The following ATP2B1 variants were observed in gnomAD, a reference collection of about 807,000 sequenced individuals.
ATP2B1 encodes the protein ATPase plasma membrane Ca2+ transporting 1, also known as plasma membrane calcium-transporting ATPase 1.
In ATP2B1, 14 loss-of-function variants were observed where a neutral mutation model predicts 124.2. The observed-to-expected ratio is 0.11, with a 90% CI of 0.07 to 0.18. The LOEUF is 0.18. ATP2B1 is among the 10% of genes least tolerant of loss of function. ATP2B1 has a pLI of 1.00. For missense variants in ATP2B1, 763 were observed against 1,466.1 expected, an observed-to-expected ratio of 0.52 and a Z score of 7.83; for synonymous variants, 449 against 492.4, an observed-to-expected ratio of 0.91 and a Z score of 1.17.
intron 1 of ATP2B1, among the ~76,000 whole-genome samples, chr12:89,668,526 T>A (rs1887567930): frequency 6.6e-6 from 1 of 152,170 alleles, no homozygotes; most frequent in Non-Finnish European, 1.5e-5. Context: ...GCAATTGAAA[T>A]TATTTTATAA....
intron 2 of ATP2B1, among the ~76,000 whole-genome samples, chr12:89,653,709 A>G (rs1375298262): frequency 6.6e-6 from 1 of 152,226 alleles, no homozygotes; most frequent in Non-Finnish European, 1.5e-5. Flanking sequence ...AAACCACTGT[A>G]CTAGAGGTAA....
intron 3 of ATP2B1, among the ~76,000 whole-genome samples, chr12:89,636,446 G>C (rs950037644): frequency 5.3e-5 from 8 of 152,242 alleles, no homozygotes; most frequent in African/African-American, 1.9e-4. Flanking sequence ...TTATAAATTC[G>C]CATGAAGGAA....
chr12:89,604,359 A>T lies in ATP2B1; in HGVS notation c.2443-13T>A, dbSNP rs576575336. The T allele has an allele frequency of 1.1e-4, 169 of 1,573,764 alleles. 1 individual carries two copies. The highest frequency in any genetic ancestry group is 4.9e-4 in the South Asian group (41 of 84,466). ...TTCCAGCAATACCCTGTTAAAAAAA[A>T]TTTTGTGAATTAGACTAAATGTTTT... On this transcript the variant is annotated splice_polypyrimidine_tract_variant and intron_variant, in intron 15 of 20. Coordinates refer to ENST00000428670, the MANE Select transcript of ATP2B1 (RefSeq NM_001366521.1).
intron 6 of ATP2B1, among the ~76,000 whole-genome samples, chr12:89,629,309 T>C (rs1028106330): frequency 2.0e-5 from 3 of 152,206 alleles, no homozygotes; most frequent in South Asian, 2.1e-4. Context: ...TACTTATCAG[T>C]AAAAAAATAA....
At chr12:89,633,710 A>T (rs1882259398) in intron 5 of ATP2B1, among the ~76,000 whole-genome samples, 1 of 152,128 alleles carries the variant, frequency 6.6e-6, no homozygotes, top group Non-Finnish European at 1.5e-5. Context: ...TTCTAACTTA[A>T]CTGACCCTTG....
In ATP2B1 at chr12:89,603,353, GA is replaced by G; in HGVS notation, c.2849-100del. ...CTTAGCTAGACCTTTTATTTGATCT[GA>G]AATGGCAGCATGGAAGGAGCTAGAG... On this transcript the variant is annotated intron_variant, in intron 17 of 20. Transcript: ENST00000428670. This position sits in a 1 kb window ranked among gnomAD's most constrained non-coding sequence, Gnocchi z 4.3. 1.0e-6 allele frequency: 1 copy of G among 999,712 alleles called. No homozygotes were observed. 61.9% of individuals were successfully genotyped at this position (999,712 alleles called of 1,614,324 possible). A position where few individuals can be genotyped will look rare whatever the true frequency, so the allele number is the denominator to read the frequency against.
In ATP2B1 at chr12:89,642,338, C is replaced by A. The variant is rs1162126753; in HGVS notation, c.226G>T (p.Ala76Ser). ...SPNEGLSGNP[A>S]DLERREAVFG... ...ACTGCTTCTCTTCTTTCTAAATCTGCAGGGTTTCCACTTAAACCTAATAAA... is the reference window on the plus strand; with the variant it reads ...ACTGCTTCTCTTCTTTCTAAATCTGAAGGGTTTCCACTTAAACCTAATAAA... Residue 76 changes from alanine (A) to serine (S), a missense_variant, in exon 3 of 21, where the codon GCA becomes TCA. Around this residue, in one of 7 missense-constraint regions of ATP2B1, gnomAD observed 93 missense variants for 112.7 expected, o/e 0.83. Transcript: ENST00000428670. 6.2e-7 allele frequency: 1 copy of A among 1,612,920 alleles called. No homozygotes were observed. The highest frequency in any genetic ancestry group is 8.5e-7 in the Non-Finnish European group (1 of 1,179,766).
intron 5 of ATP2B1, among the ~76,000 whole-genome samples, chr12:89,633,072 A>G (rs1041943847): frequency 2.6e-5 from 4 of 152,172 alleles, no homozygotes; most frequent in African/African-American, 7.2e-5. Flanking sequence ...ATGGTAAGGT[A>G]TGATTAGATA....
At chr12:89,632,209 G>A (rs1881990880) in intron 5 of ATP2B1, among the ~76,000 whole-genome samples, 1 of 151,980 alleles carries the variant, frequency 6.6e-6, no homozygotes, top group African/African-American at 2.4e-5. Flanking sequence ...CTGGAGCACA[G>A]TGAACATAGC....
chr12:89,603,928 A>G lies in ATP2B1; in HGVS notation c.2635-3T>C. The G allele has an allele frequency of 6.2e-7, 1 of 1,613,094 alleles. No individual in the cohort carries two copies. The highest frequency in any genetic ancestry group is 8.5e-7 in the Non-Finnish European group (1 of 1,179,336). On this transcript the variant is annotated splice_polypyrimidine_tract_variant and splice_region_variant and intron_variant, in intron 16 of 20. Transcript: ENST00000428670. This position sits in a 1 kb window ranked among gnomAD's most constrained non-coding sequence, Gnocchi z 4.3. ...TGCACAGCCTTAAGCGGTGAGTCCTAGAAAAGATATGTTTCCTAATAGACA... is the reference window on the plus strand; with the variant it reads ...TGCACAGCCTTAAGCGGTGAGTCCTGGAAAAGATATGTTTCCTAATAGACA...
chr12:89,678,291 T>A (rs1441476651), intron 1 of ATP2B1, among the ~76,000 whole-genome samples: 1 of 152,234 alleles, frequency 6.6e-6, no homozygotes, highest in Non-Finnish European at 1.5e-5. Flanking sequence ...GATTAAATGA[T>A]ATTTTTTGAA....
chr12:89,707,868 C>G (rs1318139180), intron 1 of ATP2B1, among the ~76,000 whole-genome samples: 3 of 152,254 alleles, frequency 2.0e-5, no homozygotes, highest in African/African-American at 4.8e-5. Flanking sequence ...CCACCCCACA[C>G]CCCTGCCACT....
At chr12:89,641,138 T>C (rs946638258) in intron 3 of ATP2B1, among the ~76,000 whole-genome samples, 5 of 152,136 alleles carry the variant, frequency 3.3e-5, no homozygotes, top group African/African-American at 4.8e-5. Context: ...TACTTAAATA[T>C]AGTAACCAAA....
At chr12:89,627,876 T>C (rs561965090) in intron 6 of ATP2B1, among the ~76,000 whole-genome samples, 160 bp from the exon 7 acceptor site, 2 of 152,362 alleles carry the variant, frequency 1.3e-5, no homozygotes, top group East Asian at 3.9e-4. Flanking sequence ...GCTGGGTCAA[T>C]CACTCCCTAA....
At chr12:89,655,353 T>A (rs972076792) in intron 2 of ATP2B1, among the ~76,000 whole-genome samples, 4 of 152,216 alleles carry the variant, frequency 2.6e-5, no homozygotes, top group Admixed American at 2.6e-4. Context: ...TTCCACCAAA[T>A]CCCTGGGAGG....
Position 89,624,139 on chromosome 12 carries a change from AG to A in ATP2B1, c.1344+43del, listed in dbSNP as rs759822091. 7 of 1,559,642 alleles carry A rather than the reference AG, an allele frequency of 4.5e-6. No homozygotes were observed. In the African/African-American group the frequency reaches 9.6e-5, roughly 21 times the overall value. On this transcript the variant is annotated intron_variant, in intron 9 of 20. Transcript: ENST00000428670. The stretch of plus-strand genomic sequence containing the variant: ...AGATGGGCATTTTCTATACCAGCTA[AG>A]GCTTTAAACATAACAACGTCTACTG...
rs888279430 is a variant in ATP2B1 at position 89,621,469 on chromosome 12, TG to T, written c.1587+79del. On this transcript the variant is annotated intron_variant, in intron 10 of 20. Coordinates refer to ENST00000428670, the MANE Select transcript of ATP2B1 (RefSeq NM_001366521.1). Reference sequence around the variant, plus strand: ...TAACAGTTCAGTTTACATACAGTAATGGTGGTCTGAAGACTTACATATAGTC... The same window carrying T: ...TAACAGTTCAGTTTACATACAGTAATGTGGTCTGAAGACTTACATATAGTC... 7.1e-6 allele frequency: 8 copies of T among 1,130,458 alleles called. No individual in the cohort carries two copies. In the African/African-American group the frequency reaches 1.1e-4, roughly 16 times the overall value. 70.0% of individuals were successfully genotyped at this position (1,130,458 alleles called of 1,614,324 possible).
At chr12:89,678,343 G>A (rs969054708) in intron 1 of ATP2B1, among the ~76,000 whole-genome samples, 7 of 152,128 alleles carry the variant, frequency 4.6e-5, no homozygotes, top group African/African-American at 1.7e-4. Context: ...TCTTGTGGGT[G>A]TAGAGAGAAC....
Position 89,630,542 on chromosome 12 carries a change from C to T in ATP2B1, c.891G>A (p.Glu297=), listed in dbSNP as rs890952686. The change falls in exon 6 of 21, where the codon GAG becomes GAA. Residue 297 remains glutamate, a synonymous_variant. Transcript: ENST00000428670. ...TTTTCTTCTCATCTTTCTTCTCTTC[C>T]TCTTCACCTCCAGCTCCAAGTAAGG... is the stretch of plus-strand genomic sequence containing the variant. ...IFTLLGAGGE[E]EEKKDEKKKE... The T allele has an allele frequency of 6.3e-7, 1 of 1,588,106 alleles. No individual in the cohort carries two copies. The highest frequency in any genetic ancestry group is 1.4e-5 in the African/African-American group (1 of 73,590).
Sources: gnomAD v4.1 joint callset for allele counts (sites outside exome capture counted in the v4.1 genomes callset) on GRCh38, gnomAD v4.1.1 for gene constraint, gnomAD v4.1.1 regional missense constraint, Gnocchi (gnomAD v3.1) non-coding constraint, MANE v1.5 for transcripts, NCBI Gene and HGNC (gene_info 2026-07-23, HGNC 2026-07-21) for gene names.